Variants in NOD2 observed in about 807,000 individuals in gnomAD.
The protein encoded by NOD2 is nucleotide-binding oligomerization domain-containing protein 2.
Under a neutral mutation model 90.9 loss-of-function variants are expected in NOD2, and 86 were observed. That is an observed-to-expected ratio of 0.95 (90% CI 0.79 to 1.13). NOD2 has a LOEUF of 1.13. Among genes scored for constraint, NOD2 ranks in the 50% most tolerant of loss-of-function variants. The pLI, the probability that NOD2 is intolerant of heterozygous loss-of-function variation, is 0.00. For synonymous variants in NOD2, 581 were observed against 554.6 expected (o/e 1.05, Z -0.67); for missense variants, 1,238 against 1,283.8 (o/e 0.96, Z 0.55).
intron 1 of NOD2, among the ~76,000 whole-genome samples, chr16:50,695,321 T>G (rs894184446): frequency 3.9e-5 from 6 of 152,020 alleles, no homozygotes; most frequent in African/African-American, 1.5e-4. Flanking sequence ...TCGATAGGGT[T>G]TGGGGTGCAA....
rs144368009 is a variant in NOD2, at chr16:50,699,944, C to T, written c.449C>T (p.Pro150Leu). 3.3e-5 allele frequency: 53 copies of T among 1,607,092 alleles called. No homozygotes were observed. The highest frequency in any genetic ancestry group is 3.6e-5 in the Non-Finnish European group (43 of 1,179,838). Residue 150 changes from proline to leucine, a missense_variant, in exon 2 of 12, where the codon CCG becomes CTG. Pro to Leu is a moderately conservative substitution (Grantham distance 98). Around this residue, in one of 3 missense-constraint regions of NOD2, gnomAD observed 567 missense variants for 577.3 expected, o/e 0.98. Coordinates refer to ENST00000647318, the MANE Select transcript of NOD2 (RefSeq NM_001370466.1). ...GAAATCAGGTTGCCGATCTTCACAC[C>T]GTCCCAGAGGGTGAGGCACTCCTGG... Reference protein sequence around the residue: ...CDEIRLPIFTPSQRARRLLDL... With the variant: ...CDEIRLPIFTLSQRARRLLDL...
chr16:50,710,021 G>A (rs1290613698), intron 3 of NOD2: 1 of 455,948 alleles, frequency 2.2e-6, no homozygotes, highest in African/African-American at 2.0e-5. Flanking sequence ...ACTCAGGTGT[G>A]TCTGGCTTCA....
At chr16:50,715,178 C>A (rs1030440692) in intron 4 of NOD2, among the ~76,000 whole-genome samples, 2 of 152,174 alleles carry the variant, frequency 1.3e-5, no homozygotes, top group Non-Finnish European at 2.9e-5. Flanking sequence ...CTTTATGTGC[C>A]GTACAACCTT....
At chr16:50,710,469 G>A (rs1964409412) in intron 3 of NOD2, 89 bp from the exon 4 acceptor site, 2 of 1,576,180 alleles carry the variant, frequency 1.3e-6, no homozygotes, top group Admixed American at 1.7e-5. Flanking sequence ...CTTCAGTTAT[G>A]TCAGCGTCCC....
chr16:50,726,712 GTCA>G lies in NOD2; in HGVS notation c.2885+1144_2885+1146del, dbSNP rs574233927. On this transcript the variant is annotated intron_variant, in intron 10 of 11. Coordinates refer to ENST00000647318, the MANE Select transcript of NOD2 (RefSeq NM_001370466.1). ...GCTGGGGTTGGTCCCATGCCACCCT[GTCA>G]TCAGCCTTATTTTTCAGCATCCTAA... Among the ~76,000 whole-genome samples the G allele has an allele frequency of 1.3e-4, 20 of 152,300 alleles. No homozygotes were observed. In the East Asian group the frequency reaches 3.7e-3, roughly 28 times the overall value.
chr16:50,706,251 A>G (rs1024941140), intron 2 of NOD2, among the ~76,000 whole-genome samples: 1 of 152,068 alleles, frequency 6.6e-6, no homozygotes, highest in African/African-American at 2.4e-5. Context: ...GAAAGGAGAA[A>G]CTTGGGTCCA....
At chr16:50,715,558 G>A (rs1039677338) in intron 4 of NOD2, 5 of 152,224 alleles carry the variant, frequency 3.3e-5, no homozygotes, top group Non-Finnish European at 5.9e-5. Context: ...TGGGACTACA[G>A]GCGCCTGCCA....
At chr16:50,702,551 T>C (rs1227916450) in intron 2 of NOD2, among the ~76,000 whole-genome samples, 1 of 152,200 alleles carries the variant, frequency 6.6e-6, no homozygotes, top group Non-Finnish European at 1.5e-5. Flanking sequence ...GGCCTTTTAA[T>C]TTCCTATAAA....
At chr16:50,715,420 CTTT>C (rs67189633) in intron 4 of NOD2, among the ~76,000 whole-genome samples, 3 of 146,716 alleles carry the variant, frequency 2.0e-5, no homozygotes, top group African/African-American at 5.0e-5. Context: ...ATTGTTCCCT[CTTT>C]TTTTTTTTTT....
At chr16:50,716,794 G>A in intron 5 of NOD2, 97 bp from the exon 6 acceptor site, 1 of 1,469,536 alleles carries the variant, frequency 6.8e-7, no homozygotes, top group Admixed American at 1.7e-5. Flanking sequence ...GGGGGTGCAG[G>A]TGATTCCTGC....
rs549943199 is a variant in NOD2, at chr16:50,714,437, A to G, written c.2381+2064A>G. 8.5e-5 allele frequency among the ~76,000 whole-genome samples: 13 copies of G among 152,248 alleles called. No individual in the cohort carries two copies. In the East Asian group the frequency reaches 2.3e-3, roughly 27 times the overall value. On this transcript the variant is annotated intron_variant, in intron 4 of 11. Coordinates refer to ENST00000647318, the MANE Select transcript of NOD2 (RefSeq NM_001370466.1). ...CACAGACACCCCTGGTGATTCTGAT[A>G]CAAGTGGTCTCGCCCTGGGAGAACT...
rs1295008198 is a variant in NOD2 at position 50,732,474 on chromosome 16, T to C, written c.*655T>C. 6.5e-6 allele frequency: 1 copy of C among 154,880 alleles called. No homozygotes were observed. The highest frequency in any genetic ancestry group is 2.4e-5 in the African/African-American group (1 of 41,448). The allele number at this position is 154,880 out of a possible 1,614,324, so 9.6% of individuals were successfully genotyped here. A position where few individuals can be genotyped will look rare whatever the true frequency, so the allele number is the denominator to read the frequency against. On this transcript the variant is annotated 3_prime_UTR_variant, in exon 12 of 12. Coordinates refer to ENST00000647318, the MANE Select transcript of NOD2 (RefSeq NM_001370466.1). ...TTAGCCTGCCCTCCTTTCCGGTGTT[T>C]AAGACATTTTTGGAAGGGGACACGT...
At position 50,711,453 on chromosome 16, in the gene NOD2, C is replaced by G; in HGVS notation, c.1461C>G (p.Tyr487Ter). Residue 487 changes from tyrosine (Y) to a stop codon, truncating the protein, a stop_gained, in exon 4 of 12, where the codon TAC becomes TAG. Transcript: ENST00000647318. LOFTEE classifies it high-confidence loss of function. ...CCCCAAAGACCACTACAGATATGTA[C>G]CTGCTGATTCTGCAGCATTTTCTGC... ...GGSPKTTTDM[Y>*]LLILQHFLLH... The G allele has an allele frequency of 1.9e-6, 3 of 1,613,530 alleles. No individual in the cohort carries two copies. In the South Asian group the frequency reaches 3.3e-5, roughly 18 times the overall value.
chr16:50,721,504 T>C (rs1268882883), intron 7 of NOD2, among the ~76,000 whole-genome samples: 1 of 151,954 alleles, frequency 6.6e-6, no homozygotes, highest in Non-Finnish European at 1.5e-5. Flanking sequence ...ATTTTACTAA[T>C]ATTTACAGAA....
Position 50,710,975 on chromosome 16 carries a change from G to A in NOD2, c.983G>A (p.Trp328Ter). Residue 328 changes from tryptophan (W) to a stop codon, truncating the protein, a stop_gained, in exon 4 of 12, where the codon TGG becomes TAG. Coordinates refer to ENST00000647318, the MANE Select transcript of NOD2 (RefSeq NM_001370466.1). LOFTEE classifies it high-confidence loss of function. The part of the protein sequence containing the change: ...VRTLLFEHCC[W>*]PDVGQEDIFQ... ...ACTCTACTCTTTGAGCACTGCTGTT[G>A]GCCTGATGTTGGTCAAGAAGACATC... The A allele has an allele frequency of 1.9e-6, 3 of 1,614,210 alleles. No individual in the cohort carries two copies. Among genetic ancestry groups the A allele is most frequent in the Non-Finnish European group, 2.5e-6 (3 of 1,180,046 alleles).
chr16:50,719,952 G>A lies in NOD2; in HGVS notation c.2577G>A (p.Ala859=), dbSNP rs1417676866. 6.2e-6 allele frequency: 10 copies of A among 1,614,172 alleles called. No homozygotes were observed. The highest frequency in any genetic ancestry group is 7.6e-6 in the Non-Finnish European group (9 of 1,180,032). Residue 859 remains alanine (A), a synonymous_variant, in exon 7 of 12, where the codon GCG becomes GCA. Transcript: ENST00000647318. ...TGGGGAATAACTACATCACTGCCGC[G>A]GGAGCCCAAGTGCTGGCCGAGGGGC... is the stretch of plus-strand genomic sequence containing the variant. ...LRLGNNYITA[A]GAQVLAEGLR...
chr16:50,712,061 A>G lies in NOD2; in HGVS notation c.2069A>G (p.Lys690Arg). The G allele has an allele frequency of 6.2e-7, 1 of 1,613,344 alleles. No homozygotes were observed. Among genetic ancestry groups the G allele is most frequent in the Admixed American group, 1.7e-5 (1 of 60,032 alleles). The change falls in exon 4 of 12, where the codon AAG (lysine) becomes AGG (arginine). Residue 690 changes from lysine to arginine, a missense_variant. Lys to Arg is a conservative substitution (Grantham distance 26). Around this residue, in one of 3 missense-constraint regions of NOD2, gnomAD observed 667 missense variants for 688.7 expected, o/e 0.97. Coordinates refer to ENST00000647318, the MANE Select transcript of NOD2 (RefSeq NM_001370466.1). ...TGGTGTCTGGCCCGCAGCCTCCGCA[A>G]GCACTTCCACTCCATCCCGCCAGCT... ...ARWCLARSLR[K>R]HFHSIPPAAP...
At chr16:50,731,525 G>A (rs1212889264) in intron 11 of NOD2, among the ~76,000 whole-genome samples, 1 of 152,118 alleles carries the variant, frequency 6.6e-6, no homozygotes, top group Admixed American at 6.5e-5. Flanking sequence ...GCAGTGTTGT[G>A]GACTCTCTCT....
chr16:50,726,061 G>A (rs1376990766), intron 10 of NOD2, among the ~76,000 whole-genome samples: 1 of 152,218 alleles, frequency 6.6e-6, no homozygotes, highest in Admixed American at 6.5e-5. Flanking sequence ...GCCTCAGGCA[G>A]AGAGTGGAAG....
Sources: allele counts gnomAD v4.1 joint callset (sites outside exome capture counted in the v4.1 genomes callset), GRCh38; gene constraint gnomAD v4.1.1; regional missense constraint gnomAD v4.1.1; transcripts MANE v1.5; gene names NCBI Gene and HGNC (gene_info 2026-07-23, HGNC 2026-07-21).